Variants in ZNF479 observed in about 807,000 individuals in gnomAD.
ZNF479 encodes the protein zinc finger protein 479.
ZNF479 carries 15 observed loss-of-function variants against 14.7 expected under a neutral mutation model. The observed-to-expected ratio is 1.02, with a 90% CI of 0.68 to 1.57. ZNF479 has a LOEUF of 1.57. Among genes scored for constraint, ZNF479 ranks in the 40% most tolerant of loss-of-function variants. The probability of loss-of-function intolerance (pLI) is 0.00; values close to 1 mark genes in which losing one functional copy is unlikely to be tolerated. For missense variants in ZNF479, 506 were observed against 615.1 expected (o/e 0.82, Z 1.88); for synonymous variants, 145 against 211.5 (o/e 0.69, Z 2.73).
chr7:57,137,661 G>A (rs1786708479), intron 1 of ZNF479, among the ~76,000 whole-genome samples: 1 of 152,168 alleles, frequency 6.6e-6, no homozygotes, highest in African/African-American at 2.4e-5. Flanking sequence ...GTGTCATATA[G>A]TTTCACTCAG....
rs1785856880 is a variant in ZNF479 at position 57,120,275 on chromosome 7, G to C, written c.1140C>G (p.Pro380=). The C allele has an allele frequency of 6.2e-7, 1 of 1,607,208 alleles. No homozygotes were observed. The highest frequency in any genetic ancestry group is 8.5e-7 in the Non-Finnish European group (1 of 1,175,008). ...RHRRIHTGEK[P]YTCEECGQDF... Reference sequence around the variant, plus strand: ...CTTGGCCACATTCTTCACATGTGTAGGGTTTCTCTCCAGTATGAATTCTCC... The same window carrying C: ...CTTGGCCACATTCTTCACATGTGTACGGTTTCTCTCCAGTATGAATTCTCC... The change falls in exon 4 of 4, where the codon CCC becomes CCG. Residue 380 remains proline (P), a synonymous_variant. Coordinates refer to ENST00000319636, the MANE Select transcript of ZNF479 (RefSeq NM_001370129.2).
chr7:57,135,271 G>A (rs1786595000), upstream of ZNF479, among the ~76,000 whole-genome samples: 1 of 152,296 alleles, frequency 6.6e-6, no homozygotes, highest in African/African-American at 2.4e-5. Flanking sequence ...AAAAACTTGT[G>A]TTTGAGGTGC....
Position 57,124,069 on chromosome 7 carries a change from G to C in ZNF479, c.262+1949C>G, listed in dbSNP as rs1450977480. Among the ~76,000 whole-genome samples, 4 of 152,030 alleles carry C rather than the reference G, an allele frequency of 2.6e-5. No individual in the cohort carries two copies. In the East Asian group the frequency reaches 7.7e-4, roughly 29 times the overall value. ...TTAAGATGTCAGTATAACCCACAGT[G>C]GTGAACAAATTTAATATAATCTGTA... On this transcript the variant is annotated intron_variant, in intron 3 of 3. Transcript: ENST00000319636.
chr7:57,130,301 A>C (rs559493158), intron 1 of ZNF479, among the ~76,000 whole-genome samples: 41 of 152,206 alleles, frequency 2.7e-4, no homozygotes, highest in African/African-American at 9.9e-4. Context: ...AGTGAAAGCC[A>C]ATCTCTACTA....
At chr7:57,121,348 A>G (rs1335409759) in intron 3 of ZNF479, among the ~76,000 whole-genome samples, 196 bp from the exon 4 acceptor site, 1 of 152,234 alleles carries the variant, frequency 6.6e-6, no homozygotes, top group African/African-American at 2.4e-5. Context: ...AAATTTATAA[A>G]TAAAGTAAGT....
rs781786066 is a variant in ZNF479, at chr7:57,120,392, A to C, written c.1023T>G (p.Thr341=). The C allele has an allele frequency of 6.2e-7, 1 of 1,613,538 alleles. No homozygotes were observed. Among genetic ancestry groups the C allele is most frequent in the South Asian group, 1.1e-5 (1 of 91,050 alleles). The change falls in exon 4 of 4, where the codon ACT becomes ACG. Residue 341 remains threonine, a synonymous_variant. Transcript: ENST00000319636. ...GKAFSWSSNL[T]RHKRIHTREK... ...CTCTAGTATGAATTCTCTTATGTCT[A>C]GTAAGGTTTGAGGACCAGCTAAAGG...
intron 1 of ZNF479, among the ~76,000 whole-genome samples, chr7:57,129,246 C>G (rs1786315316): frequency 6.6e-6 from 1 of 152,158 alleles, no homozygotes; most frequent in South Asian, 2.1e-4. Context: ...AAAGGTTGAA[C>G]TAAACTCTCC....
chr7:57,120,169 T>C lies in ZNF479; in HGVS notation c.1246A>G (p.Lys416Glu). The C allele has an allele frequency of 1.9e-6, 3 of 1,611,712 alleles. No homozygotes were observed. The South Asian group carries it at 3.3e-5, about 18-fold the overall frequency. ...ERPYKCEECG[K>E]VFSLSSTLTD... ...AGGGTTGAGGATAAGCTAAAGACTT[T>C]GCCACACTCTTCACATTTGTAGGGT... The change falls in exon 4 of 4, where the codon AAA (lysine) becomes GAA (glutamate). Residue 416 changes from lysine to glutamate, a missense_variant. Lys to Glu is a moderately conservative substitution (Grantham distance 56, BLOSUM62 1). Coordinates refer to ENST00000319636, the MANE Select transcript of ZNF479 (RefSeq NM_001370129.2).
At chr7:57,137,029 C>T (rs1383383739), upstream of ZNF479, among the ~76,000 whole-genome samples, 1 of 152,114 alleles carries the variant, frequency 6.6e-6, no homozygotes, top group Non-Finnish European at 1.5e-5. Context: ...AAGAAAGGCT[C>T]ATTGGTTTCA....
rs563229958 is a variant in ZNF479, at chr7:57,118,955, A to C, written c.*885T>G. Among the ~76,000 whole-genome samples, 81 of 152,276 alleles carry C rather than the reference A, an allele frequency of 5.3e-4. No homozygotes were observed. Among genetic ancestry groups the C allele is most frequent in the African/African-American group, 1.8e-3 (76 of 41,578 alleles). ...CAGTATGATTTCTCTTTTTTAGAAA[A>C]GTTTGAGGTGTGCTTAAATGCTCTG... On this transcript the variant is annotated 3_prime_UTR_variant, in exon 4 of 4. Transcript: ENST00000319636.
chr7:57,129,126 C>T (rs1786308954), intron 1 of ZNF479, among the ~76,000 whole-genome samples: 1 of 152,168 alleles, frequency 6.6e-6, no homozygotes, highest in Non-Finnish European at 1.5e-5. Flanking sequence ...TGTCCCTGCC[C>T]TCCCCTATCA....
chr7:57,132,489 G>A (rs1786479671), upstream of ZNF479: 1 of 1,090,312 alleles, frequency 9.2e-7, no homozygotes, highest in African/African-American at 1.6e-5. Flanking sequence ...AGCCTGATTG[G>A]ACAGTTTCTA....
rs1180853457 is a variant in ZNF479 at position 57,118,246 on chromosome 7, A to G, written c.*1594T>C. On this transcript the variant is annotated 3_prime_UTR_variant, in exon 4 of 4. Coordinates refer to ENST00000319636, the MANE Select transcript of ZNF479 (RefSeq NM_001370129.2). ...ATTTTTCCTTTAATATAAAATGTGT[A>G]CAATAAAATCTGTAATGGAAGTAAA... Among the ~76,000 whole-genome samples the G allele has an allele frequency of 1.3e-5, 2 of 152,284 alleles. No individual in the cohort carries two copies. Among genetic ancestry groups the G allele is most frequent in the African/African-American group, 2.4e-5 (1 of 41,474 alleles).
At position 57,119,845 on chromosome 7, in the gene ZNF479, C is replaced by T. The variant is rs782560249; in HGVS notation, c.1570G>A (p.Glu524Lys). The change falls in exon 4 of 4, where the codon GAA becomes AAA. Residue 524 changes from glutamate (E) to lysine (K), a missense_variant. By Grantham distance (56) the Glu-to-Lys change is moderately conservative. This residue lies in a region of ZNF479 where 72 missense variants were observed against 97.6 expected (regional missense o/e 0.74). Transcript: ENST00000319636. Reference protein sequence around the residue: ...IHTGEKPYKCE With the variant: ...IHTGEKPYKCK ...TGAGGGTGGACTTTGCCATATTATT[C>T]ACATTTGTAGGGTTTCTCTCCAGTG... is the stretch of plus-strand genomic sequence containing the variant. 1.9e-6 allele frequency: 3 copies of T among 1,612,452 alleles called. No homozygotes were observed. Among genetic ancestry groups the T allele is most frequent in the South Asian group, 2.2e-5 (2 of 90,968 alleles).
rs1394333281 is a variant in ZNF479 at position 57,126,670 on chromosome 7, A to T, written c.88T>A (p.Trp30Arg). 6.2e-7 allele frequency: 1 copy of T among 1,613,356 alleles called. No individual in the cohort carries two copies. Among genetic ancestry groups the T allele is most frequent in the African/African-American group, 1.3e-5 (1 of 74,912 alleles). Residue 30 changes from tryptophan to arginine, a missense_variant, in exon 2 of 4, where the codon TGG becomes AGG. Transcript: ENST00000319636. ...CGCTGAGCACAATCCAGGCATTGCC[A>T]TTCCTCCAGAGAGAATTCTATAGCT... ...DIAIEFSLEE[W>R]QCLDCAQRNL... is the part of the protein sequence containing the mutation.
At chr7:57,135,995 C>G (rs1165279732), upstream of ZNF479, among the ~76,000 whole-genome samples, 1 of 150,968 alleles carries the variant, frequency 6.6e-6, no homozygotes, top group Non-Finnish European at 1.5e-5. Context: ...CTCTCTCTCT[C>G]TCTCTCTCTC....
intron 1 of ZNF479, among the ~76,000 whole-genome samples, chr7:57,130,960 A>G (rs1786392808): frequency 6.6e-6 from 1 of 152,320 alleles, no homozygotes; most frequent in African/African-American, 2.4e-5. Context: ...AGCAATGTCG[A>G]TTGAACTGGA....
intron 1 of ZNF479, among the ~76,000 whole-genome samples, chr7:57,131,092 G>A (rs1026513332): frequency 3.9e-5 from 6 of 152,130 alleles, no homozygotes; most frequent in African/African-American, 1.4e-4. Context: ...CAGACACTGA[G>A]GGTAGAGGTC....
At chr7:57,139,118 C>G (rs1786768635) in intron 1 of ZNF479, among the ~76,000 whole-genome samples, 1 of 152,190 alleles carries the variant, frequency 6.6e-6, no homozygotes, top group East Asian at 1.9e-4. Context: ...GTGGTACAGA[C>G]AGTGTCATAA....
Sources: gnomAD v4.1 joint callset for allele counts (sites outside exome capture counted in the v4.1 genomes callset) on GRCh38, gnomAD v4.1.1 for gene constraint, gnomAD v4.1.1 regional missense constraint, MANE v1.5 for transcripts, NCBI Gene and HGNC (gene_info 2026-07-23, HGNC 2026-07-21) for gene names.